The following HNF4G variants were observed in gnomAD, a reference collection of about 807,000 sequenced individuals.
HNF4G encodes the protein hepatocyte nuclear factor 4 gamma, also known as hepatocyte nuclear factor 4-gamma.
In HNF4G, 21 loss-of-function variants were observed where a neutral mutation model predicts 50.9. The ratio of observed to expected loss-of-function variants is 0.41; its 90% CI spans 0.29 to 0.59. The LOEUF (loss-of-function observed/expected upper bound fraction) is 0.59, where lower values mean the gene tolerates loss of function less well. Among genes scored for constraint, HNF4G ranks in the 20% least tolerant of loss-of-function variants. The pLI, the probability that HNF4G is intolerant of heterozygous loss-of-function variation, is 0.26. For missense variants in HNF4G, 527 were observed against 559.4 expected (o/e 0.94, Z 0.58); for synonymous variants, 198 against 185.6 (o/e 1.07, Z -0.54).
At chr8:75,542,065 C>T (rs1054772744) in intron 1 of HNF4G, among the ~76,000 whole-genome samples, 5 of 152,106 alleles carry the variant, frequency 3.3e-5, no homozygotes, top group African/African-American at 9.7e-5. Context: ...CTTTGGGAGG[C>T]TAAGGCAGGA....
chr8:75,487,250 T>C (rs1332437783), intron 1 of HNF4G, among the ~76,000 whole-genome samples: 2 of 143,206 alleles, frequency 1.4e-5, no homozygotes, highest in Non-Finnish European at 3.1e-5. Context: ...GCGATTCTTA[T>C]ATTTTTTTAT....
At position 75,553,060 on chromosome 8, in the gene HNF4G, G is replaced by T; in HGVS notation, c.508G>T (p.Gly170Trp). Residue 170 changes from glycine (G) to tryptophan (W), a missense_variant, in exon 5 of 10, where the codon GGG (glycine) becomes TGG (tryptophan). By Grantham distance (184) the Gly-to-Trp change is radical (BLOSUM62 -2). This residue lies in a region of HNF4G where 128 missense variants were observed against 135.3 expected (regional missense o/e 0.95). Coordinates refer to ENST00000396423, the MANE Select transcript of HNF4G (RefSeq NM_004133.5). ...ATACTAGATCTCAGTCTCAAGCCCT[G>T]GGTCAAGCACTGACATAAACGTTAA... The part of the protein sequence containing the change: ...RSRQISVSSP[G>W]SSTDINVKKI... 2 of 1,610,660 alleles carry T rather than the reference G, an allele frequency of 1.2e-6. No individual in the cohort carries two copies. The highest frequency in any genetic ancestry group is 1.7e-6 in the Non-Finnish European group (2 of 1,177,936).
At chr8:75,428,914 C>A (rs1314679825) in intron 1 of HNF4G, among the ~76,000 whole-genome samples, 1 of 151,778 alleles carries the variant, frequency 6.6e-6, no homozygotes, top group Non-Finnish European at 1.5e-5. Flanking sequence ...TGGGTGGAGG[C>A]AAAAGTAGAT....
intron 1 of HNF4G, chr8:75,485,848 C>G (rs1812485299): frequency 6.6e-6 from 1 of 152,180 alleles, no homozygotes; most frequent in Non-Finnish European, 1.5e-5. Context: ...CCCTGAAAAA[C>G]TCTGGGCTCA....
intron 1 of HNF4G, among the ~76,000 whole-genome samples, chr8:75,426,473 C>T (rs1179689227): frequency 6.6e-6 from 1 of 152,186 alleles, no homozygotes; most frequent in Non-Finnish European, 1.5e-5. Context: ...TATATCTTCT[C>T]TTATACCTCT....
intron 1 of HNF4G, among the ~76,000 whole-genome samples, chr8:75,474,216 A>G (rs946351179): frequency 2.6e-5 from 4 of 152,206 alleles, no homozygotes; most frequent in Non-Finnish European, 5.9e-5. Flanking sequence ...CAGTTAATAA[A>G]TGCTTCTTTC....
chr8:75,449,395 A>T (rs1811520832), intron 1 of HNF4G, among the ~76,000 whole-genome samples: 1 of 148,696 alleles, frequency 6.7e-6, no homozygotes, highest in Non-Finnish European at 1.5e-5. Flanking sequence ...AATTAACTAA[A>T]AAAACAAATT....
intron 2 of HNF4G, among the ~76,000 whole-genome samples, chr8:75,518,332 T>G (rs965398169): frequency 1.3e-5 from 2 of 152,020 alleles, no homozygotes; most frequent in Admixed American, 6.6e-5. Flanking sequence ...TCATTTTTTA[T>G]GGCTGCATAG....
At position 75,558,627 on chromosome 8, in the gene HNF4G, C is replaced by T; in HGVS notation, c.843C>T (p.Asp281=). ...CATTTCAAGAAATCCAGATTGATGACAATGAGTATGCTTGTTTAAAGGCAA... is the reference window on the plus strand; with the variant it reads ...CATTTCAAGAAATCCAGATTGATGATAATGAGTATGCTTGTTTAAAGGCAA... ...VRPFQEIQID[D]NEYACLKAIV... is the part of the protein sequence containing the mutation. Residue 281 remains aspartate (D), a synonymous_variant, in exon 7 of 10, where the codon GAC becomes GAT. Coordinates refer to ENST00000396423, the MANE Select transcript of HNF4G (RefSeq NM_004133.5). 2 of 1,613,966 alleles carry T rather than the reference C, an allele frequency of 1.2e-6. No homozygotes were observed. The highest frequency in any genetic ancestry group is 1.3e-5 in the African/African-American group (1 of 75,034).
chr8:75,476,940 A>G (rs539732843), intron 1 of HNF4G, among the ~76,000 whole-genome samples: 76 of 152,314 alleles, frequency 5.0e-4, no homozygotes, highest in Non-Finnish European at 8.8e-4. Flanking sequence ...ATTCATGGAT[A>G]GATTCAATTG....
At chr8:75,433,076 G>A (rs113823502) in intron 1 of HNF4G, among the ~76,000 whole-genome samples, 13 of 151,996 alleles carry the variant, frequency 8.6e-5, no homozygotes, top group African/African-American at 2.4e-4. Context: ...AGAACCACAC[G>A]GCCAAACTGC....
intron 1 of HNF4G, among the ~76,000 whole-genome samples, chr8:75,461,163 A>G (rs1481834589): frequency 6.6e-6 from 1 of 152,170 alleles, no homozygotes; most frequent in African/African-American, 2.4e-5. Context: ...TGAACAACAC[A>G]AATCTATTAT....
rs534426208 is a variant in HNF4G, at chr8:75,419,749, C to T, written c.-144+11587C>T. ...TTAGGAGAGTGTGCTCACTCCAGTGCGTCTGTTTTAAAACAGCGAGTGATT... is the reference window on the plus strand; with the variant it reads ...TTAGGAGAGTGTGCTCACTCCAGTGTGTCTGTTTTAAAACAGCGAGTGATT... On this transcript the variant is annotated intron_variant, in intron 1 of 10. Coordinates refer to the HNF4G transcript ENST00000354370. Among the ~76,000 whole-genome samples, 45 of 152,344 alleles carry T rather than the reference C, an allele frequency of 3.0e-4. 1 individual carries two copies. The highest frequency in any genetic ancestry group is 1.5e-3 in the East Asian group (8 of 5,190).
At chr8:75,506,278 A>G (rs1813077354) in intron 2 of HNF4G, among the ~76,000 whole-genome samples, 1 of 152,110 alleles carries the variant, frequency 6.6e-6, no homozygotes, top group Admixed American at 6.6e-5. Flanking sequence ...TTATAAAAAT[A>G]AAGTTCAGTT....
chr8:75,535,356 T>TTG (rs1439805663), upstream of HNF4G, among the ~76,000 whole-genome samples: 1 of 151,654 alleles, frequency 6.6e-6, no homozygotes, highest in Non-Finnish European at 1.5e-5. Context: ...AATATGATTT[T>TTG]TTTTTAATTG....
chr8:75,459,707 T>C (rs1445642964), intron 1 of HNF4G, among the ~76,000 whole-genome samples: 1 of 152,184 alleles, frequency 6.6e-6, no homozygotes, highest in Non-Finnish European at 1.5e-5. Context: ...CATTTAGTCA[T>C]GTACACATTT....
At chr8:75,547,454 A>C in intron 2 of HNF4G, 133 bp from the exon 3 acceptor site, 1 of 638,958 alleles carries the variant, frequency 1.6e-6, no homozygotes. Flanking sequence ...TGGAAAGGTC[A>C]TAGCTGATTG....
At chr8:75,481,461 C>T (rs868377891) in intron 1 of HNF4G, among the ~76,000 whole-genome samples, 3 of 151,496 alleles carry the variant, frequency 2.0e-5, no homozygotes, top group Admixed American at 6.6e-5. Context: ...AAAAAACTTT[C>T]GTTCCCTGGA....
upstream of HNF4G, among the ~76,000 whole-genome samples, chr8:75,537,760 G>GA (rs975085350): frequency 6.6e-6 from 1 of 151,800 alleles, no homozygotes; most frequent in Admixed American, 6.6e-5. Context: ...TGAGACTTAT[G>GA]AAAAAAAATT....
Sources: gnomAD v4.1 joint callset for allele counts (sites outside exome capture counted in the v4.1 genomes callset) on GRCh38, gnomAD v4.1.1 for gene constraint, gnomAD v4.1.1 regional missense constraint, MANE v1.5 for transcripts, NCBI Gene and HGNC (gene_info 2026-07-23, HGNC 2026-07-21) for gene names.